The following GABRB2 variants were observed in gnomAD, a reference collection of about 807,000 sequenced individuals.
The protein encoded by GABRB2 is gamma-aminobutyric acid type A receptor subunit beta2, also known as gamma-aminobutyric acid receptor subunit beta-2.
A neutral mutation model predicts 54.7 loss-of-function variants in GABRB2; 16 were observed. That is an observed-to-expected ratio of 0.29 (90% CI 0.20 to 0.44). The LOEUF (loss-of-function observed/expected upper bound fraction) is 0.44, where lower values mean the gene tolerates loss of function less well. GABRB2 is among the 20% of genes least tolerant of loss of function. The probability of loss-of-function intolerance (pLI) is 1.00; values close to 1 mark genes in which losing one functional copy is unlikely to be tolerated. For synonymous variants in GABRB2, 244 were observed against 233.8 expected, an observed-to-expected ratio of 1.04 and a Z score of -0.40; for missense variants, 355 against 644.0, an observed-to-expected ratio of 0.55 and a Z score of 4.86.
intron 5 of GABRB2, among the ~76,000 whole-genome samples, chr5:161,372,723 T>A (rs934035916): frequency 6.6e-6 from 1 of 152,208 alleles, no homozygotes; most frequent in African/African-American, 2.4e-5. Context: ...ACAGAATTCA[T>A]TCATTCATTT....
At chr5:161,434,445 T>A (rs911154230) in intron 4 of GABRB2, among the ~76,000 whole-genome samples, 8 of 152,098 alleles carry the variant, frequency 5.3e-5, no homozygotes, top group Non-Finnish European at 1.0e-4. Context: ...AACAAAAGAC[T>A]CTTCTTCCCT....
intron 4 of GABRB2, among the ~76,000 whole-genome samples, chr5:161,435,567 T>C (rs1401345268): frequency 6.6e-6 from 1 of 152,162 alleles, no homozygotes; most frequent in Non-Finnish European, 1.5e-5. Flanking sequence ...GATGAACATG[T>C]GTTATTTAGG....
intron 9 of GABRB2, among the ~76,000 whole-genome samples, chr5:161,314,883 A>T (rs555023902): frequency 1.3e-5 from 2 of 152,166 alleles, no homozygotes; most frequent in African/African-American, 4.8e-5. Context: ...AAATAAATTA[A>T]ATGTTAATAA....
At chr5:161,356,784 C>T (rs977977878) in intron 5 of GABRB2, among the ~76,000 whole-genome samples, 1 of 152,168 alleles carries the variant, frequency 6.6e-6, no homozygotes, top group African/African-American at 2.4e-5. Flanking sequence ...CTCTTTGTTC[C>T]TGAAGCCTGC....
At chr5:161,373,106 T>C (rs1251286823) in intron 5 of GABRB2, among the ~76,000 whole-genome samples, 1 of 152,212 alleles carries the variant, frequency 6.6e-6, no homozygotes, top group Non-Finnish European at 1.5e-5. Flanking sequence ...CCTAACCGTA[T>C]GCAAATGTGT....
intron 4 of GABRB2, among the ~76,000 whole-genome samples, chr5:161,446,939 TA>T (rs1757649708): frequency 6.6e-6 from 1 of 151,538 alleles, no homozygotes; most frequent in Non-Finnish European, 1.5e-5. Context: ...TATTGATACA[TA>T]ATAAGAATTT....
At chr5:161,379,481 A>C (rs1333274067) in intron 5 of GABRB2, among the ~76,000 whole-genome samples, 1 of 152,200 alleles carries the variant, frequency 6.6e-6, no homozygotes, top group East Asian at 1.9e-4. Flanking sequence ...ATGTAAAAAA[A>C]GAAATCTCAC....
intron 5 of GABRB2, among the ~76,000 whole-genome samples, chr5:161,392,796 G>C (rs964905796): frequency 1.3e-5 from 2 of 152,094 alleles, no homozygotes; most frequent in Admixed American, 6.6e-5. Context: ...TAATCATTTT[G>C]ATTAGTAGGT....
intron 5 of GABRB2, among the ~76,000 whole-genome samples, chr5:161,409,017 C>T (rs1442695059): frequency 6.6e-6 from 1 of 151,912 alleles, no homozygotes; most frequent in African/African-American, 2.4e-5. Flanking sequence ...AATATAACAC[C>T]ATATCTAATT....
intron 9 of GABRB2, among the ~76,000 whole-genome samples, chr5:161,295,128 G>C (rs1757347113): frequency 6.6e-6 from 1 of 152,206 alleles, no homozygotes; most frequent in African/African-American, 2.4e-5. Context: ...ATAACAGCCA[G>C]ATCCACTGTT....
chr5:161,523,719 AC>A (rs1277805884), intron 3 of GABRB2, among the ~76,000 whole-genome samples: 1 of 151,482 alleles, frequency 6.6e-6, no homozygotes, highest in Non-Finnish European at 1.5e-5. Flanking sequence ...CTGGTGACCA[AC>A]AAATAAGAAC....
At chr5:161,461,224 T>C (rs1224195039) in intron 3 of GABRB2, among the ~76,000 whole-genome samples, 1 of 152,216 alleles carries the variant, frequency 6.6e-6, no homozygotes, top group Non-Finnish European at 1.5e-5. Flanking sequence ...AAAGGCGACA[T>C]GTACACTGAG....
chr5:161,524,002 G>A (rs1032386434), intron 3 of GABRB2, among the ~76,000 whole-genome samples: 1 of 151,322 alleles, frequency 6.6e-6, no homozygotes, highest in Admixed American at 6.6e-5. Flanking sequence ...ATCAATTTCA[G>A]TAGTTTCTTA....
At chr5:161,539,606 A>C (rs750950187) in intron 3 of GABRB2, among the ~76,000 whole-genome samples, 2 of 152,174 alleles carry the variant, frequency 1.3e-5, no homozygotes, top group East Asian at 3.9e-4. Flanking sequence ...AGTAAATTAT[A>C]TTGCCAACCC....
At chr5:161,327,793 C>T (rs1049280452) in intron 8 of GABRB2, among the ~76,000 whole-genome samples, 1 of 152,070 alleles carries the variant, frequency 6.6e-6, no homozygotes, top group African/African-American at 2.4e-5. Flanking sequence ...TTTAATCCCA[C>T]TCCTGATTTT....
chr5:161,541,139 C>T (rs1760799301), intron 3 of GABRB2, among the ~76,000 whole-genome samples: 1 of 152,004 alleles, frequency 6.6e-6, no homozygotes, highest in Admixed American at 6.6e-5. Context: ...AGCCATTGCA[C>T]CTGGTTGAGC....
At chr5:161,411,238 G>A (rs1756509011) in intron 4 of GABRB2, among the ~76,000 whole-genome samples, 181 bp from the exon 5 acceptor site, 2 of 152,130 alleles carry the variant, frequency 1.3e-5, no homozygotes, top group African/African-American at 4.8e-5. Context: ...GATAGAGACT[G>A]GACTAAATCT....
At chr5:161,327,077 A>ACACAC in intron 8 of GABRB2, 15 of 360,254 alleles carry the variant, frequency 4.2e-5, no homozygotes, top group South Asian at 1.2e-4. Context: ...CACACACACA[A>ACACAC]ACTAGAAGAA....
intron 8 of GABRB2, among the ~76,000 whole-genome samples, chr5:161,328,868 G>A (rs1201582698): frequency 2.0e-5 from 3 of 151,730 alleles, no homozygotes; most frequent in Admixed American, 6.6e-5. Flanking sequence ...TGTCCTCTGG[G>A]AGAAGAAAAT....
Sources: gnomAD v4.1 joint callset for allele counts (sites outside exome capture counted in the v4.1 genomes callset) on GRCh38, gnomAD v4.1.1 for gene constraint, MANE v1.5 for transcripts, NCBI Gene and HGNC (gene_info 2026-07-23, HGNC 2026-07-21) for gene names.